ASCC3: variants seen among roughly 807,000 people sequenced by gnomAD.
The protein encoded by ASCC3 is activating signal cointegrator 1 complex subunit 3.
Under a neutral mutation model 256.3 loss-of-function variants are expected in ASCC3, and 158 were observed. The observed-to-expected ratio is 0.62, with a 90% CI of 0.54 to 0.70. The LOEUF (loss-of-function observed/expected upper bound fraction) is 0.70, where lower values mean the gene tolerates loss of function less well. ASCC3 is among the 30% of genes least tolerant of loss of function. The pLI, the probability that ASCC3 is intolerant of heterozygous loss-of-function variation, is 0.00. For synonymous variants in ASCC3, 948 were observed against 883.4 expected, an observed-to-expected ratio of 1.07 and a Z score of -1.30; for missense variants, 2,259 against 2,626.0, an observed-to-expected ratio of 0.86 and a Z score of 3.05.
chr6:100,560,163 T>C (rs1425218553), intron 36 of ASCC3, among the ~76,000 whole-genome samples: 2 of 152,314 alleles, frequency 1.3e-5, no homozygotes, highest in Middle Eastern at 3.4e-3. Context: ...GTTTTAGTTT[T>C]AGTTAATGTT....
At chr6:100,636,464 C>T (rs1248926417) in intron 25 of ASCC3, among the ~76,000 whole-genome samples, 1 of 152,104 alleles carries the variant, frequency 6.6e-6, no homozygotes, top group Non-Finnish European at 1.5e-5. Flanking sequence ...TCCTTCTTCC[C>T]TAAGACACAA....
chr6:100,723,860 T>TTATATATA lies in ASCC3; in HGVS notation c.1902+1671_1902+1678dup, dbSNP rs58924032. ...GATATGGCCAGAAGTTATTAGGGAA[T>TTATATATA]TATATATATATATATATATATATAT... is the stretch of plus-strand genomic sequence containing the variant. On this transcript the variant is annotated intron_variant, in intron 11 of 41. Transcript: ENST00000369162. Among the ~76,000 whole-genome samples the TTATATATA allele has an allele frequency of 2.1e-3, 232 of 110,186 alleles. 1 individual carries two copies. The highest frequency in any genetic ancestry group is 4.3e-3 in the African/African-American group (132 of 30,554). 72.3% of individuals were successfully genotyped at this position (110,186 alleles called of 152,430 possible).
Position 100,629,126 on chromosome 6 carries a change from C to T in ASCC3, c.4264G>A (p.Asp1422Asn), listed in dbSNP as rs746163626. ...TTCTCTGGCGTAGTGACGATAAGGT[C>T]AGCCTTGGCAATGGATTTCATATCA... ...TPDMKSIAKA[D>N]LIVTTPEKWD... Residue 1422 changes from aspartate (D) to asparagine (N), a missense_variant, in exon 27 of 42, where the codon GAC becomes AAC. This residue lies in a region of ASCC3 where 1,839 missense variants were observed against 2,206.7 expected (regional missense o/e 0.83). Coordinates refer to ENST00000369162, the MANE Select transcript of ASCC3 (RefSeq NM_006828.4). The T allele has an allele frequency of 1.2e-6, 2 of 1,613,794 alleles. No individual in the cohort carries two copies. Among genetic ancestry groups the T allele is most frequent in the Non-Finnish European group, 1.7e-6 (2 of 1,179,854 alleles).
chr6:100,675,623 A>G (rs1776969186), intron 14 of ASCC3, among the ~76,000 whole-genome samples: 1 of 152,230 alleles, frequency 6.6e-6, no homozygotes, highest in South Asian at 2.1e-4. Context: ...CAGCTTGAGG[A>G]TACGTATTAC....
In ASCC3 at chr6:100,627,586, T is replaced by C; in HGVS notation, c.4642+4A>G. 1 of 1,613,252 alleles carries C rather than the reference T, an allele frequency of 6.2e-7. No homozygotes were observed. Among genetic ancestry groups the C allele is most frequent in the Non-Finnish European group, 8.5e-7 (1 of 1,179,560 alleles). On this transcript the variant is annotated splice_donor_region_variant and intron_variant, in intron 29 of 41. Coordinates refer to ENST00000369162, the MANE Select transcript of ASCC3 (RefSeq NM_006828.4). ...CTATTTTATTCCAAGAATCTGAAGC[T>C]TACCCTGAAATGCAGGCTTGTTCAT... is the stretch of plus-strand genomic sequence containing the variant.
At chr6:100,651,739 A>G (rs897771313) in intron 18 of ASCC3, 93 bp from the exon 19 acceptor site, 1 of 612,046 alleles carries the variant, frequency 1.6e-6, no homozygotes, top group Non-Finnish European at 2.5e-6. Context: ...TTTAAAAGAA[A>G]TTTGAGCCCT....
intron 16 of ASCC3, among the ~76,000 whole-genome samples, chr6:100,658,166 A>G (rs1459111295): frequency 6.6e-6 from 1 of 151,600 alleles, no homozygotes; most frequent in Non-Finnish European, 1.5e-5. Context: ...TGCCTAGCAC[A>G]TAATACCTAT....
Position 100,512,904 on chromosome 6 carries a change from T to G in ASCC3, c.6090A>C (p.Leu2030Phe), listed in dbSNP as rs763683817. 1.4e-5 allele frequency: 23 copies of G among 1,613,704 alleles called. 1 individual carries two copies. In the South Asian group the frequency reaches 2.4e-4, roughly 17 times the overall value. The change falls in exon 40 of 42, where the codon TTA becomes TTC. Residue 2030 changes from leucine to phenylalanine, a missense_variant. Transcript: ENST00000369162. Reference protein sequence around the residue: ...AAKTKQAWNFLSHLPVINVGI... With the variant: ...AAKTKQAWNFFSHLPVINVGI... ...CAACATTTATCACTGGCAAGTGAGATAAGAAATTCCATGCCTAAATAAAAA... is the reference window on the plus strand; with the variant it reads ...CAACATTTATCACTGGCAAGTGAGAGAAGAAATTCCATGCCTAAATAAAAA...
rs923010023 is a variant in ASCC3 at position 100,643,986 on chromosome 6, T to C, written c.3732+45A>G. The C allele has an allele frequency of 2.2e-6, 3 of 1,343,276 alleles. No homozygotes were observed. In the Admixed American group the frequency reaches 5.2e-5, roughly 23 times the overall value. The allele number at this position is 1,343,276 out of a possible 1,614,324, so 83.2% of individuals were successfully genotyped here. A position where few individuals can be genotyped will look rare whatever the true frequency, so the allele number is the denominator to read the frequency against. ...AAAGCAGAAACTGTTAGTATAATTT[T>C]TTTTACAATAGCAAATAAGGATATA... is the stretch of plus-strand genomic sequence containing the variant. On this transcript the variant is annotated intron_variant, in intron 23 of 41. Coordinates refer to ENST00000369162, the MANE Select transcript of ASCC3 (RefSeq NM_006828.4).
At chr6:100,698,329 C>T (rs1226130132) in intron 13 of ASCC3, among the ~76,000 whole-genome samples, 1 of 151,856 alleles carries the variant, frequency 6.6e-6, no homozygotes, top group African/African-American at 2.4e-5. Flanking sequence ...AAAATGAGAA[C>T]AAAATAACAA....
At chr6:100,859,116 G>A (rs1283991261) in intron 3 of ASCC3, 3 of 779,546 alleles carry the variant, frequency 3.8e-6, no homozygotes. Flanking sequence ...TGTCATCTTA[G>A]TCCTCTGAAT....
At chr6:100,693,023 G>GT (rs1218458132) in intron 13 of ASCC3, among the ~76,000 whole-genome samples, 4 of 151,788 alleles carry the variant, frequency 2.6e-5, no homozygotes, top group African/African-American at 9.7e-5. Context: ...TAACTTTTAA[G>GT]TAAGTAATAT....
At chr6:100,555,081 T>A (rs1158359133) in intron 36 of ASCC3, among the ~76,000 whole-genome samples, 1 of 151,848 alleles carries the variant, frequency 6.6e-6, no homozygotes, top group East Asian at 1.9e-4. Flanking sequence ...ACCAGAAAAT[T>A]CACTGCAAGG....
chr6:100,861,195 T>A (rs1254271678), intron 3 of ASCC3, among the ~76,000 whole-genome samples: 1 of 152,090 alleles, frequency 6.6e-6, no homozygotes, highest in Admixed American at 6.6e-5. Flanking sequence ...CATACTTCTA[T>A]TTCAGAATTT....
chr6:100,767,775 AT>A lies in ASCC3; in HGVS notation c.1396-431del, dbSNP rs71547412. ...AGGCTCCCGCCACCATGCCCGGCTAATTTTTTTTTTTTTTGTATATTTAGTA... is the reference window on the plus strand; with the variant it reads ...AGGCTCCCGCCACCATGCCCGGCTAATTTTTTTTTTTTTGTATATTTAGTA... On this transcript the variant is annotated intron_variant, in intron 8 of 41. Transcript: ENST00000369162. 1.2e-3 allele frequency among the ~76,000 whole-genome samples: 176 copies of A among 143,788 alleles called. 1 individual carries two copies. Among genetic ancestry groups the A allele is most frequent in the African/African-American group, 2.3e-3 (88 of 39,042 alleles). 94.3% of individuals were successfully genotyped at this position (143,788 alleles called of 152,430 possible). A position where few individuals can be genotyped will look rare whatever the true frequency, so the allele number is the denominator to read the frequency against.
At position 100,681,894 on chromosome 6, in the gene ASCC3, TCTTTA is replaced by T. The variant is rs1777328240; in HGVS notation, c.2152-2147_2152-2143del. On this transcript the variant is annotated intron_variant, in intron 13 of 41. Coordinates refer to ENST00000369162, the MANE Select transcript of ASCC3 (RefSeq NM_006828.4). ...GCTCTCTAGCTTTCATGGGCAAACA[TCTTTA>T]CTTCATAGGATGTTAAGAACTGCCA... is the stretch of plus-strand genomic sequence containing the variant. 5.9e-5 allele frequency among the ~76,000 whole-genome samples: 9 copies of T among 152,228 alleles called. No individual in the cohort carries two copies. The South Asian group carries it at 1.9e-3, about 32-fold the overall frequency.
At chr6:100,860,507 C>T (rs1773169595) in intron 3 of ASCC3, among the ~76,000 whole-genome samples, 1 of 151,860 alleles carries the variant, frequency 6.6e-6, no homozygotes, top group African/African-American at 2.4e-5. Flanking sequence ...GTCAGCATTA[C>T]AGGTAGTGAA....
At chr6:100,778,103 G>GAAA (rs34451852) in intron 8 of ASCC3, among the ~76,000 whole-genome samples, 1 of 147,140 alleles carries the variant, frequency 6.8e-6, no homozygotes, top group Non-Finnish European at 1.5e-5. Flanking sequence ...TAAGATGGTG[G>GAAA]AAAAAAAAAA....
intron 13 of ASCC3, among the ~76,000 whole-genome samples, chr6:100,683,124 A>G (rs754691838): frequency 2.0e-5 from 3 of 152,152 alleles, no homozygotes; most frequent in African/African-American, 7.2e-5. Flanking sequence ...CCCCAATAAT[A>G]TCTTTATTTA....
Sources: allele counts gnomAD v4.1 joint callset (sites outside exome capture counted in the v4.1 genomes callset), GRCh38; gene constraint gnomAD v4.1.1; regional missense constraint gnomAD v4.1.1; transcripts MANE v1.5; gene names NCBI Gene and HGNC (gene_info 2026-07-23, HGNC 2026-07-21).